The following FSD2 variants were observed in gnomAD, a reference collection of about 807,000 sequenced individuals.
The protein encoded by FSD2 is fibronectin type III and SPRY domain containing 2, also known as fibronectin type III and SPRY domain-containing protein 2.
A neutral mutation model predicts 80.4 loss-of-function variants in FSD2; 71 were observed. The ratio of observed to expected loss-of-function variants is 0.88; its 90% CI spans 0.73 to 1.08. The LOEUF is 1.08. Among genes scored for constraint, FSD2 ranks in the 50% least tolerant of loss-of-function variants. The pLI is 0.00. For synonymous variants in FSD2, 361 were observed against 329.5 expected, an observed-to-expected ratio of 1.10 and a Z score of -1.03; for missense variants, 923 against 913.8, an observed-to-expected ratio of 1.01 and a Z score of -0.13.
intron 1 of FSD2, among the ~76,000 whole-genome samples, chr15:82,805,523 G>A (rs1030613210): frequency 2.6e-5 from 4 of 152,148 alleles, no homozygotes; most frequent in South Asian, 2.1e-4. Context: ...AAATAATTAC[G>A]ATGCTGTTTT....
chr15:82,770,686 T>C (rs1217379343), intron 7 of FSD2, among the ~76,000 whole-genome samples: 2 of 148,702 alleles, frequency 1.3e-5, no homozygotes, highest in Non-Finnish European at 3.0e-5. Context: ...ATAATAATAA[T>C]AAATAAATAA....
At chr15:82,766,598 C>T (rs762493034) in intron 9 of FSD2, among the ~76,000 whole-genome samples, 1 of 151,854 alleles carries the variant, frequency 6.6e-6, no homozygotes. Context: ...AAAAATTAAC[C>T]GAGTGTGGTG....
At position 82,755,819 on chromosome 15, in the gene FSD2, G is replaced by T. The variant is rs78817626; in HGVS notation, c.*3529C>A. 6.8e-4 allele frequency: 179 copies of T among 264,528 alleles called. 1 individual carries two copies. The highest frequency in any genetic ancestry group is 4.2e-3 in the Middle Eastern group (5 of 1,184). 16.4% of individuals were successfully genotyped at this position (264,528 alleles called of 1,614,324 possible). A position where few individuals can be genotyped will look rare whatever the true frequency, so the allele number is the denominator to read the frequency against. ...TTGCATTTAGATTAATTAACCATTG[G>T]TTACAGTGAAACAAGCATATGTACA... is the stretch of plus-strand genomic sequence containing the variant. On this transcript the variant is annotated 3_prime_UTR_variant, in exon 13 of 13. Coordinates refer to ENST00000334574, the MANE Select transcript of FSD2 (RefSeq NM_001007122.4).
At chr15:82,765,834 G>T (rs79024308) in intron 10 of FSD2, 64 bp downstream of exon 10, 191 of 1,526,258 alleles carry the variant, frequency 1.3e-4, no homozygotes, top group East Asian at 7.3e-4. Context: ...AGTCATAGCA[G>T]CACTGGGTCT....
intron 6 of FSD2, among the ~76,000 whole-genome samples, chr15:82,775,652 A>C (rs1269168623): frequency 1.3e-5 from 2 of 152,006 alleles, no homozygotes; most frequent in Non-Finnish European, 1.5e-5. Context: ...TGTTTGCTCT[A>C]ATCTTTATTA....
At chr15:82,764,020 C>T (rs1169445350) in intron 11 of FSD2, among the ~76,000 whole-genome samples, 1 of 152,172 alleles carries the variant, frequency 6.6e-6, no homozygotes, top group Non-Finnish European at 1.5e-5. Context: ...GCCAGTTTTC[C>T]ATCAGGAGTT....
Position 82,759,500 on chromosome 15 carries a change from A to G in FSD2, c.2098T>C (p.Leu700=). 2 of 1,612,686 alleles carry G rather than the reference A, an allele frequency of 1.2e-6. No individual in the cohort carries two copies. The highest frequency in any genetic ancestry group is 1.7e-6 in the Non-Finnish European group (2 of 1,179,256). The change falls in exon 13 of 13, where the codon TTG becomes CTG. Residue 700 remains leucine, a synonymous_variant. Transcript: ENST00000334574. ...GAAAGGTCCACATTGAAAAATGACAACTTTGAATGTTCATAGTCTAATAGA... is the reference window on the plus strand; with the variant it reads ...GAAAGGTCCACATTGAAAAATGACAGCTTTGAATGTTCATAGTCTAATAGA... ...GILLDYEHSK[L]SFFNVDLSQH...
chr15:82,777,039 C>T (rs1417516185), intron 6 of FSD2, among the ~76,000 whole-genome samples: 8 of 152,150 alleles, frequency 5.3e-5, no homozygotes, highest in Admixed American at 3.9e-4. Context: ...GAAATTTGAT[C>T]CCTATCTTAC....
intron 1 of FSD2, among the ~76,000 whole-genome samples, chr15:82,791,038 A>G (rs1019296473): frequency 3.3e-4 from 49 of 150,100 alleles, no homozygotes; most frequent in African/African-American, 9.6e-4. Flanking sequence ...TCGCTTTGTC[A>G]CCCAGGCTGG....
chr15:82,800,529 T>G (rs1365224236), intron 1 of FSD2, among the ~76,000 whole-genome samples: 1 of 151,532 alleles, frequency 6.6e-6, no homozygotes, highest in African/African-American at 2.4e-5. Flanking sequence ...CCGTCTCTAC[T>G]AAAAATACAA....
At chr15:82,772,464 C>T (rs1334604383) in intron 6 of FSD2, among the ~76,000 whole-genome samples, 4 of 152,162 alleles carry the variant, frequency 2.6e-5, no homozygotes, top group Non-Finnish European at 5.9e-5. Flanking sequence ...GAGCAGGGGT[C>T]GGTGACAGGG....
At chr15:82,759,644 G>A in intron 12 of FSD2, 44 bp from the exon 13 acceptor site, 4 of 1,420,230 alleles carry the variant, frequency 2.8e-6, no homozygotes, top group South Asian at 1.4e-5. Flanking sequence ...TAATTCTATA[G>A]ATTGACTATT....
rs112592244 is a variant in FSD2 at position 82,765,959 on chromosome 15, C to A, written c.1626G>T (p.Val542=). The change falls in exon 10 of 13, where the codon GTG becomes GTT. Residue 542 remains valine (V), a synonymous_variant. Coordinates refer to ENST00000334574, the MANE Select transcript of FSD2 (RefSeq NM_001007122.4). The part of the protein sequence containing the change: ...LQPGRSYIIY[V]RALNMGGPSV... ...TGGGGCCCCCCATATTGAGGGCTCGCACATAGATAATGTAGCTCCGCCCCG... is the reference window on the plus strand; with the variant it reads ...TGGGGCCCCCCATATTGAGGGCTCGAACATAGATAATGTAGCTCCGCCCCG... 6.2e-7 allele frequency: 1 copy of A among 1,606,118 alleles called. No individual in the cohort carries two copies. The highest frequency in any genetic ancestry group is 1.3e-5 in the African/African-American group (1 of 74,946).
rs534479870 is a variant in FSD2, at chr15:82,785,654, T to TA, written c.735+856dup. 2.0e-3 allele frequency among the ~76,000 whole-genome samples: 299 copies of TA among 152,282 alleles called. 1 individual carries two copies. The highest frequency in any genetic ancestry group is 3.5e-3 in the Non-Finnish European group (237 of 68,018). Reference sequence around the variant, plus strand: ...TTTATTTTTTAAATGCATGCAGAGCTAAAAATATTCCTTTGTTTGAGTAGC... The same window carrying TA: ...TTTATTTTTTAAATGCATGCAGAGCTAAAAAATATTCCTTTGTTTGAGTAGC... On this transcript the variant is annotated intron_variant, in intron 3 of 12. Coordinates refer to ENST00000334574, the MANE Select transcript of FSD2 (RefSeq NM_001007122.4).
rs1168814550 is a variant in FSD2, at chr15:82,758,048, T to C, written c.*1300A>G. 1 of 152,096 alleles carries C rather than the reference T, an allele frequency of 6.6e-6. No homozygotes were observed. The highest frequency in any genetic ancestry group is 6.5e-5 in the Admixed American group (1 of 15,272). The allele number at this position is 152,096 out of a possible 1,614,324, so 9.4% of individuals were successfully genotyped here. A position where few individuals can be genotyped will look rare whatever the true frequency, so the allele number is the denominator to read the frequency against. The stretch of plus-strand genomic sequence containing the variant: ...CCTCAGCCTCCTGAGTAGCTGGGAT[T>C]ACAGGCGCCCACCACCATGCCCGGC... On this transcript the variant is annotated 3_prime_UTR_variant, in exon 13 of 13. Transcript: ENST00000334574.
At chr15:82,761,997 A>G in intron 12 of FSD2, 105 bp downstream of exon 12, 1 of 1,057,076 alleles carries the variant, frequency 9.5e-7, no homozygotes, top group Non-Finnish European at 1.3e-6. Context: ...ATATCTTAAA[A>G]TATTTGTAAA....
chr15:82,786,622 T>C lies in FSD2; in HGVS notation c.640-16A>G. On this transcript the variant is annotated splice_polypyrimidine_tract_variant and intron_variant, in intron 2 of 12. Coordinates refer to ENST00000334574, the MANE Select transcript of FSD2 (RefSeq NM_001007122.4). ...GAATTTCATCCTATCCAACAGAGGA[T>C]CACAAAGAAGGTATTAATGTTACAT... 6.2e-7 allele frequency: 1 copy of C among 1,610,720 alleles called. No homozygotes were observed. The highest frequency in any genetic ancestry group is 1.1e-5 in the South Asian group (1 of 91,032).
chr15:82,793,055 A>C (rs1769723501), intron 1 of FSD2, among the ~76,000 whole-genome samples: 3 of 152,146 alleles, frequency 2.0e-5, no homozygotes, highest in Non-Finnish European at 4.4e-5. Flanking sequence ...CAGTGAAGCC[A>C]CCTGGTCCTA....
At chr15:82,762,495 G>A (rs1374562679) in intron 11 of FSD2, among the ~76,000 whole-genome samples, 1 of 152,218 alleles carries the variant, frequency 6.6e-6, no homozygotes, top group East Asian at 1.9e-4. Context: ...AATGGGAGAG[G>A]AGGAGGCACT....
Sources: gnomAD v4.1 joint callset for allele counts (sites outside exome capture counted in the v4.1 genomes callset) on GRCh38, gnomAD v4.1.1 for gene constraint, MANE v1.5 for transcripts, NCBI Gene and HGNC (gene_info 2026-07-23, HGNC 2026-07-21) for gene names.